The following DCLK2 variants were observed in gnomAD, a reference collection of about 807,000 sequenced individuals.
The protein encoded by DCLK2 is serine/threonine-protein kinase DCLK2.
In DCLK2, 31 loss-of-function variants were observed where a neutral mutation model predicts 78.4. That is an observed-to-expected ratio of 0.40 (90% CI 0.30 to 0.53). The LOEUF (loss-of-function observed/expected upper bound fraction) is 0.53. DCLK2 is among the 20% of genes least tolerant of loss of function. DCLK2 has a pLI of 0.61. For missense variants in DCLK2, 872 were observed against 973.7 expected (o/e 0.90, Z 1.39); for synonymous variants, 407 against 374.9 (o/e 1.09, Z -0.99).
At chr4:150,212,038 T>C (rs775331535) in intron 5 of DCLK2, among the ~76,000 whole-genome samples, 8 of 152,218 alleles carry the variant, frequency 5.3e-5, no homozygotes, top group Non-Finnish European at 1.0e-4. Context: ...TTTAAGGCAA[T>C]AGTAACTTCA....
intron 10 of DCLK2, among the ~76,000 whole-genome samples, chr4:150,236,710 T>C (rs1459747): frequency 0.88 from 133,595 of 152,178 alleles, 59,047 homozygotes; most frequent in Middle Eastern, 0.96. Flanking sequence ...AGACAGTCTC[T>C]CACTAAGATT....
At chr4:150,218,056 G>GCTCTCTCTCTCGCTCTCT (rs1740867102) in intron 5 of DCLK2, among the ~76,000 whole-genome samples, 2 of 149,310 alleles carry the variant, frequency 1.3e-5, no homozygotes, top group Non-Finnish European at 2.9e-5. Context: ...TCTCACTCTC[G>GCTCTCTCTCTCGCTCTCT]CTCTCTCTCT....
chr4:150,185,628 C>T (rs1450540460), intron 2 of DCLK2, among the ~76,000 whole-genome samples: 4 of 151,370 alleles, frequency 2.6e-5, no homozygotes, highest in South Asian at 2.1e-4. Flanking sequence ...GCAGAAGAAT[C>T]GCTTGAACCG....
intron 2 of DCLK2, among the ~76,000 whole-genome samples, chr4:150,188,015 G>A (rs1032463903): frequency 6.6e-6 from 1 of 152,078 alleles, no homozygotes; most frequent in African/African-American, 2.4e-5. Flanking sequence ...TGGCTAGGAT[G>A]GTCTTGAGCT....
At chr4:150,159,364 G>A (rs1370545658) in intron 2 of DCLK2, among the ~76,000 whole-genome samples, 2 of 152,296 alleles carry the variant, frequency 1.3e-5, no homozygotes, top group East Asian at 1.9e-4. Flanking sequence ...CTGCACCATT[G>A]CATCTGCCTC....
rs145413648 is a variant in DCLK2, at chr4:150,231,086, A to G, written c.1300-1251A>G. ...TTATTTTGAAGAATTCCAACTTGGC[A>G]TTTACTGAATTCTTCCCCTTTGGAA... On this transcript the variant is annotated intron_variant, in intron 8 of 15. Transcript: ENST00000296550. 3.2e-4 allele frequency among the ~76,000 whole-genome samples: 49 copies of G among 152,328 alleles called. No individual in the cohort carries two copies. The East Asian group carries it at 9.4e-3, about 29-fold the overall frequency.
chr4:150,144,204 T>A (rs1433072906), intron 2 of DCLK2, among the ~76,000 whole-genome samples: 1 of 152,218 alleles, frequency 6.6e-6, no homozygotes, highest in Non-Finnish European at 1.5e-5. Context: ...TAGGATTTTT[T>A]ATAATTTCAG....
Position 150,249,618 on chromosome 4 carries a change from A to G in DCLK2, c.2007A>G (p.Leu669=), listed in dbSNP as rs1303372336. 6.8e-6 allele frequency: 11 copies of G among 1,613,688 alleles called. No individual in the cohort carries two copies. The Admixed American group carries it at 8.3e-5, about 12-fold the overall frequency. The change falls in exon 15 of 16, where the codon CTA becomes CTG. Residue 669 remains leucine, a synonymous_variant. Transcript: ENST00000296550. ...NNMQAEVTGK[L]KQHFNNALPK... ...TGCAAGCTGAGGTGACAGGTAAACT[A>G]AAACAGCACTTTAATAATGCGCTCC...
chr4:150,186,910 GT>G (rs1206968368), intron 2 of DCLK2, among the ~76,000 whole-genome samples: 1 of 151,838 alleles, frequency 6.6e-6, no homozygotes, highest in African/African-American at 2.4e-5. Context: ...GTGTGTGTGT[GT>G]GTGTGTGTGT....
rs201952292 is a variant in DCLK2 at position 150,157,487 on chromosome 4, T to TC, written c.757-35651_757-35650insC. On this transcript the variant is annotated intron_variant, in intron 2 of 15. Transcript: ENST00000296550. ...ATTTTGTATTTTTTGTAGAGATGGT[T>TC]TTTTTGTTTGTTTGTTTGTTTGTTT... Among the ~76,000 whole-genome samples, 30 of 133,242 alleles carry TC rather than the reference T, an allele frequency of 2.3e-4. 1 individual carries two copies. The East Asian group carries it at 7.7e-3, about 34-fold the overall frequency. 87.4% of individuals were successfully genotyped at this position (133,242 alleles called of 152,430 possible). A position where few individuals can be genotyped will look rare whatever the true frequency, so the allele number is the denominator to read the frequency against.
At chr4:150,102,247 T>C (rs941207040) in intron 1 of DCLK2, among the ~76,000 whole-genome samples, 1 of 152,146 alleles carries the variant, frequency 6.6e-6, no homozygotes, top group African/African-American at 2.4e-5. Context: ...GGTCAACATA[T>C]TTGGTCCAGT....
At position 150,256,358 on chromosome 4, in the gene DCLK2, A is replaced by C. The variant is rs1340112487; in HGVS notation, c.*111A>C. The C allele has an allele frequency of 1.4e-6, 2 of 1,389,360 alleles. No individual in the cohort carries two copies. Among genetic ancestry groups the C allele is most frequent in the East Asian group, 5.1e-5 (2 of 39,196 alleles). The allele number at this position is 1,389,360 out of a possible 1,614,324, so 86.1% of individuals were successfully genotyped here. ...TCCCTCTCTTCACCGCCTGCGCCTG[A>C]GTTCGCGGGTCCTCCGCAGGCCGCC... On this transcript the variant is annotated 3_prime_UTR_variant, in exon 16 of 16. Transcript: ENST00000296550.
chr4:150,225,195 G>A (rs917672589), intron 8 of DCLK2, among the ~76,000 whole-genome samples: 11 of 152,204 alleles, frequency 7.2e-5, no homozygotes, highest in African/African-American at 1.7e-4. Flanking sequence ...CACATCTGCC[G>A]TTTGCCCGTA....
At chr4:150,131,426 C>T (rs758204334) in intron 2 of DCLK2, among the ~76,000 whole-genome samples, 32 of 152,086 alleles carry the variant, frequency 2.1e-4, no homozygotes, top group Non-Finnish European at 3.5e-4. Flanking sequence ...ATTGTTTTTA[C>T]CTAAGTACAA....
intron 2 of DCLK2, among the ~76,000 whole-genome samples, chr4:150,134,966 A>G (rs1389292760): frequency 6.6e-6 from 1 of 152,122 alleles, no homozygotes; most frequent in African/African-American, 2.4e-5. Flanking sequence ...ATATGTTTTA[A>G]AAAATTGTTT....
intron 2 of DCLK2, among the ~76,000 whole-genome samples, chr4:150,186,410 T>G (rs1304324459): frequency 6.6e-6 from 1 of 152,242 alleles, no homozygotes; most frequent in Non-Finnish European, 1.5e-5. Context: ...AAGTATTTTA[T>G]GGGTTCTGTT....
intron 4 of DCLK2, among the ~76,000 whole-genome samples, chr4:150,202,022 C>T (rs1739491951): frequency 6.6e-6 from 1 of 152,164 alleles, no homozygotes; most frequent in Admixed American, 6.5e-5. Flanking sequence ...TTATCCACAT[C>T]CCCAATTAGA....
In DCLK2 at chr4:150,240,377, C is replaced by T. The variant is rs763140776; in HGVS notation, c.1701-22C>T. 3.7e-6 allele frequency: 6 copies of T among 1,612,488 alleles called. No homozygotes were observed. In the East Asian group the frequency reaches 6.7e-5, roughly 18 times the overall value. ...CTTGGGAGCCATCAGTTCTCTCCCC[C>T]TCACCCACTTTGTTTTCCTAGCTAT... On this transcript the variant is annotated intron_variant, in intron 11 of 15. Transcript: ENST00000296550.
At position 150,253,478 on chromosome 4, in the gene DCLK2, A is replaced by C. The variant is rs759395713; in HGVS notation, c.2074-2542A>C. The C allele has an allele frequency of 4.7e-6, 6 of 1,289,604 alleles. No individual in the cohort carries two copies. The East Asian group carries it at 2.8e-4, about 60-fold the overall frequency. The allele number at this position is 1,289,604 out of a possible 1,614,324, so 79.9% of individuals were successfully genotyped here. On this transcript the variant is annotated intron_variant, in intron 15 of 15. Transcript: ENST00000296550. ...TATCTGCATTTTGTTTGACAGTTTG[A>C]TTTGACAGTTTGAGAGGCACCTCAG...
Sources: gnomAD v4.1 joint callset for allele counts (sites outside exome capture counted in the v4.1 genomes callset) on GRCh38, gnomAD v4.1.1 for gene constraint, MANE v1.5 for transcripts, NCBI Gene and HGNC (gene_info 2026-07-23, HGNC 2026-07-21) for gene names.